TBC1D19: variants seen among roughly 807,000 people sequenced by gnomAD.
TBC1D19 encodes TBC1 domain family, member 19.
TBC1D19 carries 60 observed loss-of-function variants against 89.0 expected under a neutral mutation model. The ratio of observed to expected loss-of-function variants is 0.67; its 90% confidence interval spans 0.55 to 0.84. TBC1D19 has a LOEUF of 0.84. Among genes scored for constraint, TBC1D19 ranks in the 40% least tolerant of loss-of-function variants. The pLI is 0.00. For missense variants in TBC1D19, 500 were observed against 610.8 expected, an observed-to-expected ratio of 0.82 and a Z score of 1.91; for synonymous variants, 189 against 199.7, an observed-to-expected ratio of 0.95 and a Z score of 0.45.
chr4:26,792,236 G>A, the TBC1D19 span, among the ~76,000 whole-genome samples: 4 of 151,248 alleles, frequency 2.6e-5, no homozygotes, highest in African/African-American at 7.3e-5. Flanking sequence ...TAATATTCCA[G>A]TATATGAATA....
chr4:26,703,960 C>CAAAAAAA (rs11453747), intron 13 of TBC1D19, among the ~76,000 whole-genome samples: 1 of 114,258 alleles, frequency 8.8e-6, no homozygotes. Flanking sequence ...GACTCCGTCT[C>CAAAAAAA]AAAAAAAAAA....
the TBC1D19 span, among the ~76,000 whole-genome samples, chr4:26,819,038 G>A: frequency 6.6e-6 from 1 of 152,234 alleles, no homozygotes; most frequent in African/African-American, 2.4e-5. Flanking sequence ...CCCCAAAGAA[G>A]TGGATGCCAG....
At chr4:26,608,263 A>G (rs551006608) in intron 1 of TBC1D19, among the ~76,000 whole-genome samples, 2 of 152,262 alleles carry the variant, frequency 1.3e-5, no homozygotes, top group African/African-American at 4.8e-5. Context: ...ATTTTTCTCT[A>G]TGCTAAGCCA....
At chr4:26,691,029 T>A (rs983947564) in intron 13 of TBC1D19, among the ~76,000 whole-genome samples, 8 of 152,146 alleles carry the variant, frequency 5.3e-5, no homozygotes, top group African/African-American at 1.9e-4. Context: ...AATATCAACA[T>A]GAAAAGGAGT....
chr4:26,581,805 A>G (rs1250684734), upstream of TBC1D19, among the ~76,000 whole-genome samples: 19 of 152,166 alleles, frequency 1.2e-4, no homozygotes, highest in Non-Finnish European at 4.4e-5. Flanking sequence ...ACCATTTCTT[A>G]CTTATCTTTG....
the TBC1D19 span, among the ~76,000 whole-genome samples, chr4:26,770,165 T>A: frequency 6.6e-6 from 1 of 151,956 alleles, no homozygotes; most frequent in African/African-American, 2.4e-5. Flanking sequence ...GCAGAGATTG[T>A]CAGACTGGAT....
At chr4:26,668,064 G>A (rs549586372) in intron 9 of TBC1D19, among the ~76,000 whole-genome samples, 10 of 151,998 alleles carry the variant, frequency 6.6e-5, no homozygotes, top group Admixed American at 5.9e-4. Context: ...GGTAGAGCCA[G>A]GATTCAAAAC....
chr4:26,717,992 C>T lies in TBC1D19; in HGVS notation c.1014C>T (p.Ala338=), dbSNP rs1184134597. The change falls in exon 14 of 21, where the codon GCC becomes GCT. Residue 338 remains alanine, a synonymous_variant. Transcript: ENST00000264866. ...TGAGTCACTTTGCATTCAACAGTGC[C>T]TCGCCACCAAAATCATACATAAGAG... The part of the protein sequence containing the change: ...SVLSHFAFNS[A]SPPKSYIRGK... The T allele has an allele frequency of 3.7e-6, 6 of 1,611,450 alleles. No homozygotes were observed. The highest frequency in any genetic ancestry group is 5.1e-6 in the Non-Finnish European group (6 of 1,178,716).
chr4:26,677,433 C>G (rs1205460041), intron 11 of TBC1D19, among the ~76,000 whole-genome samples: 4 of 151,982 alleles, frequency 2.6e-5, no homozygotes, highest in Non-Finnish European at 5.9e-5. Flanking sequence ...ATTCTCCTGC[C>G]TCAGCCTCCC....
the TBC1D19 span, among the ~76,000 whole-genome samples, chr4:26,822,760 C>T: frequency 6.6e-6 from 1 of 152,162 alleles, no homozygotes; most frequent in Non-Finnish European, 1.5e-5. Context: ...AAGCACTAAG[C>T]CACAAACAGG....
At chr4:26,776,454 C>A in the TBC1D19 span, among the ~76,000 whole-genome samples, 1 of 152,188 alleles carries the variant, frequency 6.6e-6, no homozygotes, top group African/African-American at 2.4e-5. Flanking sequence ...TATGTTTTTC[C>A]CAATTTTGCA....
chr4:26,834,446 T>G, the TBC1D19 span, among the ~76,000 whole-genome samples: 1 of 152,128 alleles, frequency 6.6e-6, no homozygotes, highest in Non-Finnish European at 1.5e-5. Context: ...TGTTGGGGGT[T>G]GGATCAATGC....
At position 26,718,007 on chromosome 4, in the gene TBC1D19, A is replaced by G; in HGVS notation, c.1029A>G (p.Ser343=). ...TCAACAGTGCCTCGCCACCAAAATC[A>G]TACATAAGAGGTAAATTTTTAATAA... is the stretch of plus-strand genomic sequence containing the variant. ...FAFNSASPPK[S]YIRGKLGLEE... The change falls in exon 14 of 21, where the codon TCA becomes TCG. Residue 343 remains serine (S), a synonymous_variant. Transcript: ENST00000264866. The G allele has an allele frequency of 6.2e-7, 1 of 1,610,236 alleles. No homozygotes were observed. Among genetic ancestry groups the G allele is most frequent in the Non-Finnish European group, 8.5e-7 (1 of 1,177,702 alleles).
chr4:26,680,446 A>C (rs1192338345), intron 11 of TBC1D19, among the ~76,000 whole-genome samples: 2 of 152,256 alleles, frequency 1.3e-5, no homozygotes, highest in Admixed American at 6.5e-5. Context: ...TTTCTATCTT[A>C]GGAATAAAAG....
intron 1 of TBC1D19, among the ~76,000 whole-genome samples, chr4:26,607,859 C>T (rs1741109612): frequency 6.6e-6 from 1 of 152,162 alleles, no homozygotes; most frequent in Non-Finnish European, 1.5e-5. Context: ...TACACCGGTC[C>T]TTTAAAATAT....
At chr4:26,760,254 T>C (rs577935591), downstream of TBC1D19, among the ~76,000 whole-genome samples, 76 of 152,320 alleles carry the variant, frequency 5.0e-4, no homozygotes, top group Non-Finnish European at 9.1e-4. Flanking sequence ...TTTGTCCATT[T>C]TAAATCAATG....
chr4:26,703,367 C>T (rs1269033762), intron 13 of TBC1D19, among the ~76,000 whole-genome samples: 1 of 151,678 alleles, frequency 6.6e-6, no homozygotes, highest in Non-Finnish European at 1.5e-5. Flanking sequence ...CTGTTTTTTC[C>T]TTTCAGAAAA....
chr4:26,733,460 G>GACAC (rs58852557), intron 15 of TBC1D19, among the ~76,000 whole-genome samples: 545 of 149,750 alleles, frequency 3.6e-3, no homozygotes, highest in East Asian at 0.017. Flanking sequence ...CATATGCAAA[G>GACAC]ACACACACAC....
the TBC1D19 span, among the ~76,000 whole-genome samples, chr4:26,790,052 G>GTGAGGAATGAGAAATTTCTT: frequency 2.6e-5 from 4 of 152,304 alleles, no homozygotes; most frequent in Admixed American, 2.6e-4. Context: ...TGGAAGGAGG[G>GTGAGGAATGAGAAATTTCTT]TGAGGAATGA....
Sources: allele counts gnomAD v4.1 joint callset (sites outside exome capture counted in the v4.1 genomes callset), GRCh38; gene constraint gnomAD v4.1.1; transcripts MANE v1.5; gene names NCBI Gene and HGNC (gene_info 2026-07-23, HGNC 2026-07-21).